NR6A1: variants seen among roughly 807,000 people sequenced by gnomAD.
NR6A1 encodes retinoic acid receptor-related testis-associated receptor.
Under a neutral mutation model 59.1 loss-of-function variants are expected in NR6A1, and 7 were observed. The observed-to-expected ratio is 0.12, with a 90% confidence interval of 0.07 to 0.22. The LOEUF is 0.22. NR6A1 is among the 10% of genes least tolerant of loss of function. NR6A1 has a pLI of 1.00. For missense variants in NR6A1, 468 were observed against 611.6 expected (o/e 0.77, Z 2.48); for synonymous variants, 243 against 236.1 (o/e 1.03, Z -0.27).
chr9:124,702,767 A>T (rs1442201739), intron 2 of NR6A1, among the ~76,000 whole-genome samples: 1 of 152,138 alleles, frequency 6.6e-6, no homozygotes, highest in African/African-American at 2.4e-5. Flanking sequence ...CCTCATCAGA[A>T]GCCAACAAAA....
In NR6A1 at chr9:124,554,250, A is replaced by G; in HGVS notation, c.385+78T>C. 13 of 1,599,032 alleles carry G rather than the reference A, an allele frequency of 8.1e-6. No individual in the cohort carries two copies. The South Asian group carries it at 1.1e-4, about 14-fold the overall frequency. ...CTGATATGTAGTGCAAGCTTGAGGA[A>G]TAAGTAACTAAACAGCTGACACTAA... is the stretch of plus-strand genomic sequence containing the variant. On this transcript the variant is annotated intron_variant, in intron 3 of 9. Coordinates refer to ENST00000487099, the MANE Select transcript of NR6A1 (RefSeq NM_033334.4).
At chr9:124,592,517 T>C (rs1835158245) in intron 2 of NR6A1, among the ~76,000 whole-genome samples, 1 of 152,180 alleles carries the variant, frequency 6.6e-6, no homozygotes, top group Non-Finnish European at 1.5e-5. Flanking sequence ...TACATCATTT[T>C]CCCCAGCAAA....
intron 2 of NR6A1, among the ~76,000 whole-genome samples, chr9:124,561,662 AACACTT>A (rs1834087666): frequency 3.9e-5 from 6 of 152,194 alleles, no homozygotes; most frequent in Admixed American, 3.9e-4. Context: ...CTGTAATCCC[AACACTT>A]TGGGAGGCCG....
intron 2 of NR6A1, among the ~76,000 whole-genome samples, chr9:124,639,485 G>A (rs1037579860): frequency 2.0e-5 from 3 of 152,126 alleles, no homozygotes; most frequent in Non-Finnish European, 2.9e-5. Flanking sequence ...TTTGCTCAAG[G>A]TCTCATGGCT....
chr9:124,574,807 C>T (rs1834542198), intron 2 of NR6A1, among the ~76,000 whole-genome samples: 2 of 152,156 alleles, frequency 1.3e-5, no homozygotes, highest in East Asian at 3.8e-4. Context: ...AATCATTCTT[C>T]CCACTCCCTT....
At chr9:124,660,603 A>C (rs1057380602) in intron 2 of NR6A1, among the ~76,000 whole-genome samples, 10 of 150,266 alleles carry the variant, frequency 6.7e-5, no homozygotes, top group African/African-American at 2.5e-4. Context: ...GATTCAGAGA[A>C]CAGGAAATTA....
intron 9 of NR6A1, among the ~76,000 whole-genome samples, chr9:124,523,730 C>T (rs552856447): frequency 6.6e-6 from 1 of 152,164 alleles, no homozygotes; most frequent in Non-Finnish European, 1.5e-5. Flanking sequence ...GCCCAGCTCA[C>T]ATTTGCTAGA....
intron 2 of NR6A1, among the ~76,000 whole-genome samples, chr9:124,682,438 A>C (rs1838195548): frequency 6.6e-6 from 1 of 152,224 alleles, no homozygotes; most frequent in Admixed American, 6.5e-5. Flanking sequence ...CATATACTTT[A>C]ACCCAAACAG....
chr9:124,770,879 C>T (rs908616446), intron 1 of NR6A1, 141 bp downstream of exon 1: 1 of 422,198 alleles, frequency 2.4e-6, no homozygotes, highest in Non-Finnish European at 4.0e-6. Flanking sequence ...CAACGGGGAA[C>T]GGGGTGAAGG....
intron 1 of NR6A1, among the ~76,000 whole-genome samples, chr9:124,756,996 A>G (rs1316878035): frequency 6.6e-6 from 1 of 152,022 alleles, no homozygotes; most frequent in African/African-American, 2.4e-5. Flanking sequence ...AAAAAGAAAA[A>G]AAAAGGGCGG....
chr9:124,555,455 G>C (rs1833895408), intron 2 of NR6A1, among the ~76,000 whole-genome samples: 1 of 152,134 alleles, frequency 6.6e-6, no homozygotes, highest in Admixed American at 6.5e-5. Context: ...TAATAATCAA[G>C]AACATCGTTA....
intron 2 of NR6A1, among the ~76,000 whole-genome samples, chr9:124,630,676 T>TC (rs1836409480): frequency 7.5e-6 from 1 of 133,248 alleles, no homozygotes; most frequent in Admixed American, 7.3e-5. Context: ...ATTTCTTTTT[T>TC]TTTTTTTTTT....
chr9:124,705,453 A>G (rs1284755707), intron 2 of NR6A1, among the ~76,000 whole-genome samples: 1 of 152,064 alleles, frequency 6.6e-6, no homozygotes, highest in Non-Finnish European at 1.5e-5. Flanking sequence ...CCCTGTCTCT[A>G]GTAATATTTC....
intron 2 of NR6A1, among the ~76,000 whole-genome samples, chr9:124,704,460 G>A (rs1839063066): frequency 6.6e-6 from 1 of 151,690 alleles, no homozygotes; most frequent in Non-Finnish European, 1.5e-5. Context: ...GCCCAGGCTG[G>A]AATACAGTGA....
At chr9:124,611,760 A>G (rs1016340595) in intron 2 of NR6A1, among the ~76,000 whole-genome samples, 11 of 104,990 alleles carry the variant, frequency 1.0e-4, no homozygotes, top group Non-Finnish European at 2.0e-4. Flanking sequence ...AGAGAGAGAG[A>G]GAGAGAGAGA....
At chr9:124,767,558 AAAC>A (rs1223873524) in intron 1 of NR6A1, among the ~76,000 whole-genome samples, 1 of 152,078 alleles carries the variant, frequency 6.6e-6, no homozygotes, top group Non-Finnish European at 1.5e-5. Context: ...ATGTACTAAG[AAAC>A]AACAGTACTA....
chr9:124,668,305 A>G (rs1459433679), intron 2 of NR6A1, among the ~76,000 whole-genome samples: 1 of 151,360 alleles, frequency 6.6e-6, no homozygotes, highest in African/African-American at 2.5e-5. Context: ...GGAGGAAGAG[A>G]AGGGGTTGGT....
chr9:124,752,782 T>TA (rs1464917335), intron 1 of NR6A1, among the ~76,000 whole-genome samples: 5 of 151,692 alleles, frequency 3.3e-5, no homozygotes, highest in African/African-American at 9.7e-5. Flanking sequence ...CCTAAGTTTT[T>TA]AAAGATGAAA....
intron 2 of NR6A1, among the ~76,000 whole-genome samples, chr9:124,709,418 G>A (rs1477399597): frequency 6.6e-6 from 1 of 152,114 alleles, no homozygotes; most frequent in African/African-American, 2.4e-5. Context: ...TCAAGCATGG[G>A]TGCTAGAAGG....
Sources: gnomAD v4.1 joint callset for allele counts (sites outside exome capture counted in the v4.1 genomes callset) on GRCh38, gnomAD v4.1.1 for gene constraint, MANE v1.5 for transcripts, NCBI Gene and HGNC (gene_info 2026-07-23, HGNC 2026-07-21) for gene names.